RNGTT: variants seen among roughly 807,000 people sequenced by gnomAD.
RNGTT encodes mRNA-capping enzyme.
Under a neutral mutation model 79.3 loss-of-function variants are expected in RNGTT, and 33 were observed. The ratio of observed to expected loss-of-function variants is 0.42; its 90% CI spans 0.32 to 0.56. The LOEUF (loss-of-function observed/expected upper bound fraction) is 0.56, where lower values mean the gene tolerates loss of function less well. Among genes scored for constraint, RNGTT ranks in the 20% least tolerant of loss-of-function variants. The pLI is 0.17. For missense variants in RNGTT, 497 were observed against 739.1 expected (o/e 0.67, Z 3.80); for synonymous variants, 222 against 235.9 (o/e 0.94, Z 0.54).
At chr6:88,713,083 C>T (rs1776373415) in intron 13 of RNGTT, among the ~76,000 whole-genome samples, 1 of 152,032 alleles carries the variant, frequency 6.6e-6, no homozygotes. Context: ...TGTTTGTGTT[C>T]CCTCAAGTCA....
intron 8 of RNGTT, among the ~76,000 whole-genome samples, chr6:88,889,563 T>C (rs1782975855): frequency 6.6e-6 from 1 of 152,188 alleles, no homozygotes; most frequent in Non-Finnish European, 1.5e-5. Context: ...AATATATATG[T>C]ACTGCCAGTT....
At chr6:88,909,040 C>T (rs1208110436) in intron 4 of RNGTT, among the ~76,000 whole-genome samples, 1 of 152,134 alleles carries the variant, frequency 6.6e-6, no homozygotes, top group East Asian at 1.9e-4. Flanking sequence ...TGAGCTTGGG[C>T]AGGAAAGGAG....
intron 13 of RNGTT, among the ~76,000 whole-genome samples, chr6:88,746,583 G>A (rs10944405): frequency 0.087 from 13,203 of 152,128 alleles, 624 homozygotes; most frequent in African/African-American, 0.092. Context: ...TAAGGAGCAC[G>A]CAACTTAGAT....
chr6:88,805,443 G>A (rs989473951), intron 11 of RNGTT, among the ~76,000 whole-genome samples: 4 of 152,158 alleles, frequency 2.6e-5, no homozygotes, highest in Admixed American at 6.5e-5. Flanking sequence ...GGGCACAGAC[G>A]TTAAAACCCT....
chr6:88,892,153 T>C (rs939578332), intron 6 of RNGTT, among the ~76,000 whole-genome samples: 1 of 151,992 alleles, frequency 6.6e-6, no homozygotes, highest in Non-Finnish European at 1.5e-5. Context: ...ACTTCTCAAA[T>C]CATAACAGTA....
At chr6:88,622,298 T>C (rs142208274) in intron 14 of RNGTT, among the ~76,000 whole-genome samples, 260 of 152,276 alleles carry the variant, frequency 1.7e-3, no homozygotes, top group Admixed American at 2.8e-3. Context: ...ACCCAAAAGA[T>C]AGTTTTGATG....
intron 1 of RNGTT, among the ~76,000 whole-genome samples, chr6:88,954,571 A>T (rs889406758): frequency 6.6e-6 from 1 of 152,136 alleles, no homozygotes; most frequent in East Asian, 1.9e-4. Context: ...AGCACTAGAC[A>T]GGTCATCAAG....
chr6:88,867,056 C>T (rs1009228296), intron 8 of RNGTT, among the ~76,000 whole-genome samples: 1 of 152,154 alleles, frequency 6.6e-6, no homozygotes, highest in African/African-American at 2.4e-5. Context: ...ATCTTGGGCC[C>T]CAGCCTAGAC....
intron 13 of RNGTT, among the ~76,000 whole-genome samples, chr6:88,738,866 A>ACACC (rs1327580838): frequency 6.6e-6 from 1 of 151,206 alleles, no homozygotes; most frequent in Admixed American, 6.6e-5. Flanking sequence ...ACACACACAC[A>ACACC]CACCCCTTCC....
chr6:88,802,953 T>A (rs1779837035), intron 11 of RNGTT, among the ~76,000 whole-genome samples: 1 of 152,130 alleles, frequency 6.6e-6, no homozygotes, highest in Non-Finnish European at 1.5e-5. Context: ...GTGTTATACA[T>A]CCCTTTTATC....
At chr6:88,841,700 A>T (rs1781298562) in intron 11 of RNGTT, among the ~76,000 whole-genome samples, 1 of 152,260 alleles carries the variant, frequency 6.6e-6, no homozygotes, top group African/African-American at 2.4e-5. Context: ...TCAAAGCTGA[A>T]CTATAAATTC....
In RNGTT at chr6:88,612,601, T is replaced by G. The variant is rs1246716454; in HGVS notation, c.*118A>C. 6.2e-6 allele frequency: 7 copies of G among 1,135,156 alleles called. No individual in the cohort carries two copies. The highest frequency in any genetic ancestry group is 1.6e-5 in the African/African-American group (1 of 63,994). The allele number at this position is 1,135,156 out of a possible 1,614,324, so 70.3% of individuals were successfully genotyped here. On this transcript the variant is annotated 3_prime_UTR_variant, in exon 16 of 16. Coordinates refer to ENST00000369485, the MANE Select transcript of RNGTT (RefSeq NM_003800.5). ...ATAACTTTCTTTTTTTAAAAAAAAT[T>G]CAAATGTGTATCAACATCAAGCCAC...
At chr6:88,667,977 C>T (rs1582304057) in intron 14 of RNGTT, among the ~76,000 whole-genome samples, 1 of 152,032 alleles carries the variant, frequency 6.6e-6, no homozygotes, top group South Asian at 2.1e-4. Context: ...TATCATAGAC[C>T]CCCTCCCATA....
chr6:88,666,660 G>A (rs191442600), intron 14 of RNGTT, among the ~76,000 whole-genome samples: 6 of 152,204 alleles, frequency 3.9e-5, no homozygotes, highest in Non-Finnish European at 8.8e-5. Flanking sequence ...CTAGCAGACC[G>A]GACCTCCGGG....
chr6:88,790,125 T>A (rs983731575), intron 12 of RNGTT, among the ~76,000 whole-genome samples: 1 of 152,012 alleles, frequency 6.6e-6, no homozygotes, highest in South Asian at 2.1e-4. Flanking sequence ...TTTTAAAAGA[T>A]AGAAAGTACA....
chr6:88,666,017 C>T (rs925609900), intron 14 of RNGTT, among the ~76,000 whole-genome samples: 1 of 152,188 alleles, frequency 6.6e-6, no homozygotes, highest in African/African-American at 2.4e-5. Context: ...CTACTGGAGC[C>T]TAAGACCAGA....
At chr6:88,747,175 G>A (rs1267526702) in intron 13 of RNGTT, among the ~76,000 whole-genome samples, 5 of 152,128 alleles carry the variant, frequency 3.3e-5, no homozygotes, top group Non-Finnish European at 7.4e-5. Flanking sequence ...ATTGTGTTGG[G>A]GCAGGGGGTG....
intron 9 of RNGTT, among the ~76,000 whole-genome samples, chr6:88,853,421 C>T (rs950508190): frequency 2.0e-5 from 3 of 151,618 alleles, no homozygotes; most frequent in African/African-American, 4.9e-5. Context: ...AGGAGAATCA[C>T]TTGAACCCAG....
intron 11 of RNGTT, among the ~76,000 whole-genome samples, chr6:88,809,011 AT>A (rs1446399286): frequency 2.0e-5 from 3 of 152,120 alleles, no homozygotes; most frequent in South Asian, 4.2e-4. Context: ...CACTTTGTAC[AT>A]AAAGAGTCCG....
Sources: allele counts gnomAD v4.1 joint callset (sites outside exome capture counted in the v4.1 genomes callset), GRCh38; gene constraint gnomAD v4.1.1; transcripts MANE v1.5; gene names NCBI Gene and HGNC (gene_info 2026-07-23, HGNC 2026-07-21).